The following COL21A1 variants were observed in gnomAD, a reference collection of about 807,000 sequenced individuals.
The protein encoded by COL21A1 is collagen alpha-1(XXI) chain.
Under a neutral mutation model 137.9 loss-of-function variants are expected in COL21A1, and 149 were observed. That is an observed-to-expected ratio of 1.08 (90% CI 0.95 to 1.24). COL21A1 has a LOEUF of 1.24. COL21A1 is among the 50% of genes most tolerant of loss of function. COL21A1 has a pLI of 0.00. For synonymous variants in COL21A1, 456 were observed against 391.5 expected, an observed-to-expected ratio of 1.16 and a Z score of -1.95; for missense variants, 1,167 against 1,158.4, an observed-to-expected ratio of 1.01 and a Z score of -0.11.
At chr6:56,228,822 C>T (rs961268995) in intron 1 of COL21A1, among the ~76,000 whole-genome samples, 4 of 151,726 alleles carry the variant, frequency 2.6e-5, no homozygotes, top group African/African-American at 9.7e-5. Flanking sequence ...GACTAAAGTA[C>T]AAGAATAACT....
chr6:56,375,930 T>G (rs1164947960), intron 1 of COL21A1, among the ~76,000 whole-genome samples: 1 of 152,162 alleles, frequency 6.6e-6, no homozygotes, highest in Non-Finnish European at 1.5e-5. Context: ...GGGTTCACTT[T>G]TAGAGATGGA....
chr6:56,069,439 CTCT>C (rs1275441866), intron 21 of COL21A1, among the ~76,000 whole-genome samples: 1 of 151,048 alleles, frequency 6.6e-6, no homozygotes, highest in African/African-American at 2.4e-5. Flanking sequence ...ACACAAGTAT[CTCT>C]TTTTTGTTTA....
intron 1 of COL21A1, among the ~76,000 whole-genome samples, chr6:56,225,550 C>T (rs1781132737): frequency 6.6e-6 from 1 of 152,000 alleles, no homozygotes. Context: ...CAGGTTGCCA[C>T]TTGGGCAAAT....
chr6:56,264,765 T>C (rs1393268635), intron 1 of COL21A1, among the ~76,000 whole-genome samples: 1 of 152,222 alleles, frequency 6.6e-6, no homozygotes, highest in Non-Finnish European at 1.5e-5. Flanking sequence ...ATTTAATCCA[T>C]ATCATCTAAA....
At chr6:56,085,674 A>C (rs1416685798) in intron 17 of COL21A1, among the ~76,000 whole-genome samples, 1 of 151,940 alleles carries the variant, frequency 6.6e-6, no homozygotes, top group Non-Finnish European at 1.5e-5. Context: ...GTAGTTATTA[A>C]ACTTTACATC....
chr6:56,252,354 C>G (rs1037567532), upstream of COL21A1, among the ~76,000 whole-genome samples: 1 of 152,162 alleles, frequency 6.6e-6, no homozygotes, highest in Non-Finnish European at 1.5e-5. Flanking sequence ...GCATGTTAAG[C>G]TCCGTAACTT....
At chr6:56,226,492 T>C (rs1425638113) in intron 1 of COL21A1, among the ~76,000 whole-genome samples, 3 of 152,002 alleles carry the variant, frequency 2.0e-5, no homozygotes, top group Non-Finnish European at 1.5e-5. Context: ...ATAAACCAGT[T>C]CCTCCATTAT....
chr6:56,259,202 A>T (rs1763189154), intron 1 of COL21A1, among the ~76,000 whole-genome samples: 1 of 152,154 alleles, frequency 6.6e-6, no homozygotes, highest in African/African-American at 2.4e-5. Context: ...TCTGCATTGG[A>T]TTGTGATGGT....
At chr6:56,182,809 A>C (rs1490739129) in intron 1 of COL21A1, among the ~76,000 whole-genome samples, 153 bp from the exon 2 acceptor site, 3 of 152,192 alleles carry the variant, frequency 2.0e-5, no homozygotes. Flanking sequence ...CCAAATGTTA[A>C]ATATATTAAT....
chr6:56,072,317 T>C (rs772885706), intron 20 of COL21A1, among the ~76,000 whole-genome samples: 17 of 151,600 alleles, frequency 1.1e-4, no homozygotes, highest in African/African-American at 3.1e-4. Context: ...TTTGGATACA[T>C]ACCGAGTAAA....
At chr6:56,274,303 G>C (rs939553422) in intron 1 of COL21A1, among the ~76,000 whole-genome samples, 1 of 152,078 alleles carries the variant, frequency 6.6e-6, no homozygotes, top group Non-Finnish European at 1.5e-5. Flanking sequence ...TTGAGAAGTA[G>C]AACAAGACAA....
At chr6:56,117,291 G>A (rs1421879709) in intron 16 of COL21A1, among the ~76,000 whole-genome samples, 2 of 151,890 alleles carry the variant, frequency 1.3e-5, no homozygotes, top group Non-Finnish European at 2.9e-5. Context: ...AAAAGAACAG[G>A]ACTAGCTATA....
intron 18 of COL21A1, among the ~76,000 whole-genome samples, 167 bp from the exon 19 acceptor site, chr6:56,075,699 G>A (rs180869087): frequency 7.9e-5 from 12 of 151,508 alleles, no homozygotes; most frequent in African/African-American, 2.9e-4. Context: ...AAAGACCTTG[G>A]CATAGAGTCT....
intron 1 of COL21A1, among the ~76,000 whole-genome samples, chr6:56,204,000 AC>A (rs1344657339): frequency 6.6e-6 from 1 of 152,142 alleles, no homozygotes; most frequent in Admixed American, 6.5e-5. Flanking sequence ...TCTGGTGCCT[AC>A]ACCACCAGGG....
chr6:56,181,827 C>T (rs1777919644), intron 2 of COL21A1, among the ~76,000 whole-genome samples: 1 of 152,066 alleles, frequency 6.6e-6, no homozygotes, highest in African/African-American at 2.4e-5. Context: ...ATCCCGTTTT[C>T]CACCCAAGAA....
At chr6:56,149,341 T>A (rs1175075726) in intron 10 of COL21A1, among the ~76,000 whole-genome samples, 1 of 152,198 alleles carries the variant, frequency 6.6e-6, no homozygotes, top group Non-Finnish European at 1.5e-5. Flanking sequence ...TTTACATTTC[T>A]AAAAATTAAA....
intron 1 of COL21A1, among the ~76,000 whole-genome samples, chr6:56,356,669 T>G (rs942148696): frequency 3.9e-5 from 6 of 152,186 alleles, no homozygotes; most frequent in African/African-American, 1.4e-4. Flanking sequence ...ACATTCTTGT[T>G]TCGATAGGAT....
At chr6:56,075,387 T>G in intron 19 of COL21A1, 92 bp downstream of exon 19, 1 of 965,534 alleles carries the variant, frequency 1.0e-6, no homozygotes, top group Non-Finnish European at 1.5e-6. Flanking sequence ...CTGTATCCCC[T>G]ACATTTTTAT....
chr6:56,133,957 G>A (rs1477843920), intron 12 of COL21A1, among the ~76,000 whole-genome samples: 1 of 152,214 alleles, frequency 6.6e-6, no homozygotes, highest in Non-Finnish European at 1.5e-5. Context: ...GCAGGGTCCT[G>A]GTGGAAAACC....
Sources: allele counts gnomAD v4.1 joint callset (sites outside exome capture counted in the v4.1 genomes callset), GRCh38; gene constraint gnomAD v4.1.1; transcripts MANE v1.5; gene names NCBI Gene and HGNC (gene_info 2026-07-23, HGNC 2026-07-21).